The following KAZN variants were observed in gnomAD, a reference collection of about 807,000 sequenced individuals.
The protein encoded by KAZN is kazrin, periplakin interacting protein, also known as kazrin.
In KAZN, 40 loss-of-function variants were observed where a neutral mutation model predicts 87.4. That is an observed-to-expected ratio of 0.46 (90% confidence interval 0.36 to 0.60). KAZN has a LOEUF of 0.60. Among genes scored for constraint, KAZN ranks in the 20% least tolerant of loss-of-function variants. The pLI, the probability that KAZN is intolerant of heterozygous loss-of-function variation, is 0.00. For synonymous variants in KAZN, 466 were observed against 458.3 expected, an observed-to-expected ratio of 1.02 and a Z score of -0.22; for missense variants, 898 against 1,073.9, an observed-to-expected ratio of 0.84 and a Z score of 2.29.
At chr1:14,014,790 A>G (rs779652272) in intron 1 of KAZN, among the ~76,000 whole-genome samples, 6 of 152,178 alleles carry the variant, frequency 3.9e-5, no homozygotes, top group Non-Finnish European at 8.8e-5. Context: ...CCCTGTTTAA[A>G]ATAATAAGCC....
intron 2 of KAZN, among the ~76,000 whole-genome samples, chr1:14,465,539 G>C (rs1453729495): frequency 1.3e-5 from 2 of 151,972 alleles, no homozygotes; most frequent in Admixed American, 1.3e-4. Flanking sequence ...GACTCAAATG[G>C]TAGCTTAGGG....
chr1:13,951,969 C>T (rs1003015865), intron 1 of KAZN, among the ~76,000 whole-genome samples: 1 of 152,122 alleles, frequency 6.6e-6, no homozygotes, highest in Non-Finnish European at 1.5e-5. Context: ...AACAGTTTCC[C>T]AGGGAAATCT....
chr1:14,127,623 C>G (rs747693294), intron 1 of KAZN, among the ~76,000 whole-genome samples: 1 of 152,152 alleles, frequency 6.6e-6, no homozygotes, highest in Non-Finnish European at 1.5e-5. Context: ...TCCTTGATAA[C>G]AGATAACACT....
intron 1 of KAZN, among the ~76,000 whole-genome samples, chr1:14,631,816 G>C (rs1400269946): frequency 6.6e-6 from 1 of 151,122 alleles, no homozygotes; most frequent in Non-Finnish European, 1.5e-5. Flanking sequence ...TGTACCTTTG[G>C]GGGTTGTGTA....
chr1:14,381,365 A>G (rs1180456264), intron 2 of KAZN, among the ~76,000 whole-genome samples: 1 of 150,708 alleles, frequency 6.6e-6, no homozygotes, highest in Non-Finnish European at 1.5e-5. Context: ...CCAAAACCGG[A>G]CAATCAAAAA....
At chr1:14,487,224 G>T (rs1377583099) in intron 2 of KAZN, among the ~76,000 whole-genome samples, 1 of 152,138 alleles carries the variant, frequency 6.6e-6, no homozygotes, top group East Asian at 1.9e-4. Context: ...GTTTTTTGGG[G>T]ACACCATAGG....
At chr1:13,935,497 C>T (rs984485376) in intron 1 of KAZN, among the ~76,000 whole-genome samples, 3 of 152,134 alleles carry the variant, frequency 2.0e-5, no homozygotes, top group African/African-American at 4.8e-5. Context: ...CTTAACAGAA[C>T]GTTGGCTGTT....
At chr1:14,035,962 T>C (rs1419213126) in intron 1 of KAZN, among the ~76,000 whole-genome samples, 1 of 152,226 alleles carries the variant, frequency 6.6e-6, no homozygotes, top group Non-Finnish European at 1.5e-5. Flanking sequence ...AGGCTCAGGC[T>C]TCAGGCTGAG....
chr1:15,092,082 T>G (rs1640571149), intron 8 of KAZN, among the ~76,000 whole-genome samples: 3 of 148,064 alleles, frequency 2.0e-5, no homozygotes, highest in Admixed American at 2.0e-4. Flanking sequence ...GATTTTTTTT[T>G]TTTTTTTTTT....
At chr1:14,628,816 G>A (rs952100450) in intron 1 of KAZN, among the ~76,000 whole-genome samples, 14 of 151,310 alleles carry the variant, frequency 9.3e-5, no homozygotes, top group East Asian at 1.9e-4. Context: ...TAACAAAACC[G>A]GAAGCACTGT....
intron 2 of KAZN, among the ~76,000 whole-genome samples, chr1:14,556,110 T>C (rs1323160611): frequency 2.9e-5 from 4 of 139,036 alleles, no homozygotes; most frequent in African/African-American, 1.2e-4. Flanking sequence ...GCAGTTCTTT[T>C]TACTTTTTTT....
intron 1 of KAZN, among the ~76,000 whole-genome samples, chr1:14,064,842 G>A (rs1348407353): frequency 2.6e-5 from 4 of 152,212 alleles, no homozygotes; most frequent in Non-Finnish European, 5.9e-5. Context: ...AGTCAGTGGA[G>A]GGGAACCTGC....
rs1646637268 is a variant in KAZN, at chr1:14,201,440, C to T, written c.249+20848C>T. ...ATGACATAGCTGACTGGCACTGGGC[C>T]CTGGCTGCCCCGGAGCAGCTGGTGG... On this transcript the variant is annotated intron_variant, in intron 2 of 16. Coordinates refer to the KAZN transcript ENST00000636203. Among the ~76,000 whole-genome samples, 3 of 152,188 alleles carry T rather than the reference C, an allele frequency of 2.0e-5. No homozygotes were observed. In the South Asian group the frequency reaches 6.2e-4, roughly 32 times the overall value.
intron 2 of KAZN, among the ~76,000 whole-genome samples, chr1:14,202,884 C>G (rs1034633479): frequency 6.6e-6 from 1 of 151,798 alleles, no homozygotes; most frequent in Non-Finnish European, 1.5e-5. Flanking sequence ...TGGGCATGGT[C>G]GTGGGCGCCT....
At chr1:14,797,886 A>C (rs896454343) in intron 1 of KAZN, among the ~76,000 whole-genome samples, 12 of 152,340 alleles carry the variant, frequency 7.9e-5, no homozygotes, top group African/African-American at 2.9e-4. Context: ...AACACTTAAA[A>C]GATGCCAGCT....
intron 1 of KAZN, among the ~76,000 whole-genome samples, chr1:13,965,092 G>GCCA (rs1237361634): frequency 6.6e-6 from 1 of 152,120 alleles, no homozygotes; most frequent in African/African-American, 2.4e-5. Flanking sequence ...GGACAGAGAG[G>GCCA]CCACCTGATG....
intron 2 of KAZN, among the ~76,000 whole-genome samples, chr1:14,491,463 C>A (rs983807297): frequency 6.6e-6 from 1 of 152,144 alleles, no homozygotes; most frequent in Non-Finnish European, 1.5e-5. Context: ...GTCCCCTACC[C>A]GCCGACAGGT....
chr1:14,419,348 A>C (rs561158779), intron 2 of KAZN, among the ~76,000 whole-genome samples: 1 of 152,108 alleles, frequency 6.6e-6, no homozygotes. Flanking sequence ...TGATCTTTCC[A>C]CCCTGCCCGG....
rs535653267 is a variant in KAZN at position 14,407,896 on chromosome 1, AATTT to A, written c.250-191086_250-191083del. Among the ~76,000 whole-genome samples, 52 of 152,260 alleles carry A rather than the reference AATTT, an allele frequency of 3.4e-4. 1 individual carries two copies. In the East Asian group the frequency reaches 0.01, roughly 29 times the overall value. On this transcript the variant is annotated intron_variant, in intron 2 of 16. Transcript: ENST00000636203. ...ATATTGCTTTCAAAATGGGAAAATT[AATTT>A]GTTTTTTAGACATTTCATTATTTGC... is the stretch of plus-strand genomic sequence containing the variant.
Sources: allele counts gnomAD v4.1 joint callset (sites outside exome capture counted in the v4.1 genomes callset), GRCh38; gene constraint gnomAD v4.1.1; transcripts MANE v1.5; gene names NCBI Gene and HGNC (gene_info 2026-07-23, HGNC 2026-07-21).